Variants in PCDHA3 observed in about 807,000 individuals in gnomAD.
PCDHA3 encodes the protein protocadherin alpha 3.
A neutral mutation model predicts 62.2 loss-of-function variants in PCDHA3; 41 were observed. The ratio of observed to expected loss-of-function variants is 0.66; its 90% confidence interval spans 0.51 to 0.86. The LOEUF is 0.86. PCDHA3 is among the 40% of genes least tolerant of loss of function. The pLI, the probability that PCDHA3 is intolerant of heterozygous loss-of-function variation, is 0.00. For synonymous variants in PCDHA3, 640 were observed against 555.4 expected (o/e 1.15, Z -2.14); for missense variants, 1,304 against 1,241.2 (o/e 1.05, Z -0.76).
Position 140,843,034 on chromosome 5 carries a change from T to C in PCDHA3, c.2394+39443T>C, listed in dbSNP as rs2150350687. 5.0e-6 allele frequency: 8 copies of C among 1,594,860 alleles called. 1 individual carries two copies. The African/African-American group carries it at 1.1e-4, about 21-fold the overall frequency. The stretch of plus-strand genomic sequence containing the variant: ...CGGCACTGCTGGAGCCTCGGGTGGG[T>C]GGCACTGGTGGCGCAGCGAGCAAGC... On this transcript the variant is annotated intron_variant, in intron 1 of 3. Transcript: ENST00000522353.
chr5:140,986,792 A>C (rs575794573), intron 3 of PCDHA3, among the ~76,000 whole-genome samples: 1 of 152,220 alleles, frequency 6.6e-6, no homozygotes, highest in Non-Finnish European at 1.5e-5. Context: ...CCACTAAGGC[A>C]GTGAGTCTTA....
chr5:140,907,263 C>T (rs985030606), intron 1 of PCDHA3, among the ~76,000 whole-genome samples: 2 of 152,220 alleles, frequency 1.3e-5, no homozygotes, highest in Admixed American at 1.3e-4. Flanking sequence ...CTTCAAAAGG[C>T]CATTCCATCA....
rs1424860955 is a variant in PCDHA3, at chr5:140,855,923, A to G, written c.2394+52332A>G. 3.3e-6 allele frequency: 4 copies of G among 1,229,030 alleles called. No individual in the cohort carries two copies. In the East Asian group the frequency reaches 9.4e-5, roughly 29 times the overall value. The allele number at this position is 1,229,030 out of a possible 1,614,324, so 76.1% of individuals were successfully genotyped here. ...GCCAGTTTCTCAAGGACTAGGAAGT[A>G]GCGTCATTCTGAGATCTCAGCCATT... On this transcript the variant is annotated intron_variant, in intron 1 of 3. Transcript: ENST00000522353.
At chr5:140,875,304 A>AC in intron 1 of PCDHA3, 4 of 1,416,396 alleles carry the variant, frequency 2.8e-6, no homozygotes, top group Non-Finnish European at 3.7e-6. Flanking sequence ...TTTTCTCCGC[A>AC]CCCACATTCC....
chr5:140,963,838 T>C (rs1414191733), intron 1 of PCDHA3, among the ~76,000 whole-genome samples: 3 of 152,254 alleles, frequency 2.0e-5, no homozygotes, highest in Admixed American at 1.3e-4. Context: ...CATTTTCTCA[T>C]GTAATCATAA....
chr5:140,814,016 A>C (rs1002153926), intron 1 of PCDHA3: 1 of 152,744 alleles, frequency 6.5e-6, no homozygotes, highest in Non-Finnish European at 1.5e-5. Context: ...TTCTTTCTTC[A>C]GTAATAAATT....
chr5:140,806,864 T>G, intron 1 of PCDHA3: 1 of 356,754 alleles, frequency 2.8e-6, no homozygotes, highest in Non-Finnish European at 5.1e-6. Flanking sequence ...TGGTACAATG[T>G]GTACCACAGT....
chr5:140,930,321 T>C (rs1166503889), intron 1 of PCDHA3: 7 of 152,186 alleles, frequency 4.6e-5, no homozygotes, highest in Non-Finnish European at 1.0e-4. Flanking sequence ...TTGAGAGTAA[T>C]GTATCTAATG....
chr5:141,009,710 C>A lies in PCDHA3; in HGVS notation c.2626C>A (p.Pro876Thr), dbSNP rs2098413865. 1 of 1,613,980 alleles carries A rather than the reference C, an allele frequency of 6.2e-7. No individual in the cohort carries two copies. Among genetic ancestry groups the A allele is most frequent in the African/African-American group, 1.3e-5 (1 of 74,884 alleles). Residue 876 changes from proline (P) to threonine (T), a missense_variant, in exon 4 of 4, where the codon CCC becomes ACC. Pro to Thr is a conservative substitution (Grantham distance 38). Transcript: ENST00000522353. ...GACCTTTAAATACGGACCAGGCAAC[C>A]CCAAACAATCCGGTCCCGGTGAGTT... ...SWTFKYGPGN[P>T]KQSGPGELPD...
At chr5:140,839,740 A>T (rs1357885958) in intron 1 of PCDHA3, among the ~76,000 whole-genome samples, 1 of 152,020 alleles carries the variant, frequency 6.6e-6, no homozygotes, top group Non-Finnish European at 1.5e-5. Flanking sequence ...AAATACCCTT[A>T]TTTGCCTTTC....
intron 1 of PCDHA3, chr5:140,852,588 T>A (rs2150519378): frequency 0.079 from 70,028 of 881,224 alleles, 6,599 homozygotes; most frequent in African/African-American, 0.093. Flanking sequence ...TTTTATTTTT[T>A]TTTTTTGTCA....
chr5:140,830,283 C>T (rs2150184279), intron 1 of PCDHA3: 10 of 1,613,762 alleles, frequency 6.2e-6, no homozygotes, highest in South Asian at 4.4e-5. Flanking sequence ...ACCGAGGGCG[C>T]GTGCACGGCG....
At chr5:140,918,759 G>A (rs931610210) in intron 1 of PCDHA3, among the ~76,000 whole-genome samples, 7 of 152,130 alleles carry the variant, frequency 4.6e-5, no homozygotes, top group Non-Finnish European at 1.0e-4. Context: ...CCAGAGAGGT[G>A]CCTTGCCTCT....
intron 1 of PCDHA3, among the ~76,000 whole-genome samples, chr5:140,951,224 A>G (rs539647356): frequency 3.2e-4 from 49 of 151,938 alleles, no homozygotes; most frequent in Non-Finnish European, 6.9e-4. Context: ...TGGATTCTTG[A>G]TGGTCTTTAC....
chr5:140,907,239 C>A (rs1447900433), intron 1 of PCDHA3, among the ~76,000 whole-genome samples: 1 of 152,200 alleles, frequency 6.6e-6, no homozygotes, highest in African/African-American at 2.4e-5. Flanking sequence ...ACCTAGTTGA[C>A]ATTGTAATTG....
intron 1 of PCDHA3, among the ~76,000 whole-genome samples, chr5:140,975,647 T>G (rs1563441442): frequency 6.6e-6 from 1 of 152,254 alleles, no homozygotes; most frequent in Non-Finnish European, 1.5e-5. Flanking sequence ...GCATATTATT[T>G]CATTGAGTAG....
Position 140,842,518 on chromosome 5 carries a change from C to G in PCDHA3, c.2394+38927C>G, listed in dbSNP as rs2150337921. 3.1e-6 allele frequency: 5 copies of G among 1,613,574 alleles called. 1 individual carries two copies. The South Asian group carries it at 5.5e-5, about 18-fold the overall frequency. ...CCCATGTCCCCTTCAAGCTGGTGTC[C>G]ACCTTCAAGAATTACTACTCGTTGG... On this transcript the variant is annotated intron_variant, in intron 1 of 3. Coordinates refer to ENST00000522353, the MANE Select transcript of PCDHA3 (RefSeq NM_018906.3).
chr5:140,818,634 C>A (rs1380205811), intron 1 of PCDHA3, among the ~76,000 whole-genome samples: 1 of 152,108 alleles, frequency 6.6e-6, no homozygotes, highest in Non-Finnish European at 1.5e-5. Context: ...CCCAGGAGTT[C>A]AAGATGAGCC....
At chr5:140,822,973 T>G in intron 1 of PCDHA3, 1 of 1,614,248 alleles carries the variant, frequency 6.2e-7, no homozygotes, top group Non-Finnish European at 8.5e-7. Context: ...GGTGTCCACC[T>G]TCAAGAATTA....
Sources: gnomAD v4.1 joint callset for allele counts (sites outside exome capture counted in the v4.1 genomes callset) on GRCh38, gnomAD v4.1.1 for gene constraint, MANE v1.5 for transcripts, NCBI Gene and HGNC (gene_info 2026-07-23, HGNC 2026-07-21) for gene names.